ERCC5: variants seen among roughly 807,000 people sequenced by gnomAD.
ERCC5 encodes the protein DNA excision repair protein ERCC-5.
ERCC5 carries 68 observed loss-of-function variants against 105.6 expected under a neutral mutation model. The ratio of observed to expected loss-of-function variants is 0.64; its 90% CI spans 0.53 to 0.79. The LOEUF is 0.79. ERCC5 is among the 30% of genes least tolerant of loss of function. The probability of loss-of-function intolerance (pLI) is 0.00; values close to 1 mark genes in which losing one functional copy is unlikely to be tolerated. For missense variants in ERCC5, 1,373 were observed against 1,426.7 expected (o/e 0.96, Z 0.61); for synonymous variants, 546 against 526.2 (o/e 1.04, Z -0.51).
In ERCC5 at chr13:102,866,762, G is replaced by A. The variant is rs769519807; in HGVS notation, c.2450G>A (p.Gly817Glu). The A allele has an allele frequency of 3.1e-6, 5 of 1,614,266 alleles. No homozygotes were observed. In the Admixed American group the frequency reaches 6.7e-5, roughly 22 times the overall value. Residue 817 changes from glycine (G) to glutamate (E), a missense_variant, in exon 11 of 15, where the codon GGA becomes GAA. This residue lies in a region of ERCC5 where 1,004 missense variants were observed against 1,059.7 expected (regional missense o/e 0.95). Transcript: ENST00000652225. ...GATGACAGTGATATCTGGCTGTTTGGAGCGCGGCATGTCTATAGAAACTTT... is the reference window on the plus strand; with the variant it reads ...GATGACAGTGATATCTGGCTGTTTGAAGCGCGGCATGTCTATAGAAACTTT... ...ITDDSDIWLFGARHVYRNFFN... is the reference protein window; with the variant it reads ...ITDDSDIWLFEARHVYRNFFN...
At chr13:102,849,260 T>C (rs1434189988) in intron 1 of ERCC5, 5 of 518,174 alleles carry the variant, frequency 9.6e-6, no homozygotes, top group Non-Finnish European at 1.9e-5. Flanking sequence ...TGGGCTATTG[T>C]AACTCATTTT....
At chr13:102,870,800 C>G (rs1243736027) in intron 12 of ERCC5, among the ~76,000 whole-genome samples, 2 of 152,214 alleles carry the variant, frequency 1.3e-5, no homozygotes, top group East Asian at 3.8e-4. Flanking sequence ...GACAGCCGGT[C>G]TGAGTGGGTT....
At position 102,853,768 on chromosome 13, in the gene ERCC5, G is replaced by A. The variant is rs1161770211; in HGVS notation, c.276G>A (p.Arg92=). The A allele has an allele frequency of 6.2e-7, 1 of 1,614,102 alleles. No individual in the cohort carries two copies. Among genetic ancestry groups the A allele is most frequent in the Middle Eastern group, 1.6e-4 (1 of 6,062 alleles). ...LLKKQTLVKR[R]QRKDLASSDS... ...CTTTCTTCTCATAGGTGAAGAGAAG[G>A]CAGAGAAAGGACTTAGCGTCCAGTG... The change falls in exon 3 of 15, where the codon AGG becomes AGA. Residue 92 remains arginine (R), a synonymous_variant. Coordinates refer to ENST00000652225, the MANE Select transcript of ERCC5 (RefSeq NM_000123.4).
At chr13:102,861,963 A>G in intron 7 of ERCC5, 67 bp from the exon 8 acceptor site, 1 of 1,581,642 alleles carries the variant, frequency 6.3e-7, no homozygotes, top group South Asian at 1.1e-5. Context: ...TCTCTTATCC[A>G]TCTTACTAGA....
chr13:102,864,126 C>CCACACACACA (rs10647676), intron 8 of ERCC5, among the ~76,000 whole-genome samples: 16,994 of 140,758 alleles, frequency 0.12, 1,204 homozygotes, highest in Admixed American at 0.2. Context: ...AGAGAATCAA[C>CCACACACACA]CACACACACA....
intron 8 of ERCC5, 104 bp downstream of exon 8, chr13:102,863,207 G>C (rs1421307920): frequency 3.9e-6 from 5 of 1,288,094 alleles, no homozygotes; most frequent in Non-Finnish European, 5.4e-6. Flanking sequence ...TTACAGATAA[G>C]GAACGAGAGA....
intron 4 of ERCC5, 120 bp downstream of exon 4, chr13:102,854,494 G>A: frequency 1.0e-6 from 1 of 970,362 alleles, no homozygotes; most frequent in Non-Finnish European, 1.6e-6. Flanking sequence ...ATCTGAAATA[G>A]GCATGCTCTA....
chr13:102,846,481 G>C (rs560017968), intron 1 of ERCC5, 127 bp downstream of exon 1: 30 of 819,706 alleles, frequency 3.7e-5, no homozygotes, highest in Non-Finnish European at 4.8e-5. Flanking sequence ...GGTCGCTATA[G>C]AATCTCTGTC....
chr13:102,869,968 C>T (rs1012946588), intron 12 of ERCC5, among the ~76,000 whole-genome samples: 1 of 152,230 alleles, frequency 6.6e-6, no homozygotes, highest in Non-Finnish European at 1.5e-5. Flanking sequence ...GCCTTTGGTC[C>T]TCCAGCTCGT....
intron 1 of ERCC5, among the ~76,000 whole-genome samples, 185 bp downstream of exon 1, chr13:102,846,539 G>A (rs1243513273): frequency 6.6e-6 from 1 of 152,054 alleles, no homozygotes; most frequent in Non-Finnish European, 1.5e-5. Context: ...CGGGGCTTTG[G>A]TTCCAGCCCC....
chr13:102,863,624 T>A (rs949446573), intron 8 of ERCC5, among the ~76,000 whole-genome samples: 6 of 152,184 alleles, frequency 3.9e-5, no homozygotes, highest in African/African-American at 1.4e-4. Flanking sequence ...TATTTATAAC[T>A]CCAAAATCAG....
intron 14 of ERCC5, among the ~76,000 whole-genome samples, chr13:102,874,247 T>C (rs1883123664): frequency 6.6e-6 from 1 of 152,190 alleles, no homozygotes; most frequent in Non-Finnish European, 1.5e-5. Context: ...AAACTACTCA[T>C]TAGTTACCTC....
intron 6 of ERCC5, among the ~76,000 whole-genome samples, chr13:102,860,079 G>C (rs552075268): frequency 7.7e-4 from 117 of 152,212 alleles, no homozygotes; most frequent in Middle Eastern, 6.8e-3. Flanking sequence ...TAGCTGTCGC[G>C]GTGATCAGAT....
chr13:102,865,530 A>T lies in ERCC5; in HGVS notation c.1955-137A>T. 8.4e-7 allele frequency: 1 copy of T among 1,186,418 alleles called. No homozygotes were observed. Among genetic ancestry groups the T allele is most frequent in the Non-Finnish European group, 1.2e-6 (1 of 836,460 alleles). 73.5% of individuals were successfully genotyped at this position (1,186,418 alleles called of 1,614,324 possible). On this transcript the variant is annotated intron_variant, in intron 8 of 14. Coordinates refer to ENST00000652225, the MANE Select transcript of ERCC5 (RefSeq NM_000123.4). This position sits in a 1 kb window ranked among gnomAD's most constrained non-coding sequence, Gnocchi z 4.0. The stretch of plus-strand genomic sequence containing the variant: ...TTTATTTATTAATAACGCTACTATT[A>T]CATGTATTCTGTTATAGTCATATCT...
At chr13:102,858,692 T>A (rs1309264164) in intron 6 of ERCC5, among the ~76,000 whole-genome samples, 5 of 152,208 alleles carry the variant, frequency 3.3e-5, no homozygotes, top group Admixed American at 3.3e-4. Context: ...CACTTCATAG[T>A]TCTTAGTTCC....
intron 12 of ERCC5, among the ~76,000 whole-genome samples, chr13:102,870,241 A>G (rs985774317): frequency 2.6e-5 from 4 of 152,156 alleles, no homozygotes; most frequent in Non-Finnish European, 4.4e-5. Flanking sequence ...TTAATTTTCA[A>G]TTGGCTACCA....
At position 102,862,676 on chromosome 13, in the gene ERCC5, A is replaced by T; in HGVS notation, c.1527A>T (p.Arg509Ser). 6.2e-7 allele frequency: 1 copy of T among 1,614,184 alleles called. No homozygotes were observed. Reference sequence around the variant, plus strand: ...TGCCTCTGGAGAGTGCAGTGGTTAGACATAGTGACGCACCTGGGCTCCCGA... The same window carrying T: ...TGCCTCTGGAGAGTGCAGTGGTTAGTCATAGTGACGCACCTGGGCTCCCGA... ...DRLPLESAVV[R>S]HSDAPGLPNG... The change falls in exon 8 of 15, where the codon AGA becomes AGT. Residue 509 changes from arginine to serine, a missense_variant. Physicochemically the swap from Arg to Ser is moderately radical, Grantham distance 110 (BLOSUM62 -1). This residue lies in a region of ERCC5 where 1,004 missense variants were observed against 1,059.7 expected (regional missense o/e 0.95). Coordinates refer to ENST00000652225, the MANE Select transcript of ERCC5 (RefSeq NM_000123.4).
At chr13:102,846,485 C>A in intron 1 of ERCC5, 131 bp downstream of exon 1, 1 of 793,152 alleles carries the variant, frequency 1.3e-6, no homozygotes, top group Non-Finnish European at 2.2e-6. Context: ...GCTATAGAAT[C>A]TCTGTCACTA....
At chr13:102,861,969 C>CTAGAA in intron 7 of ERCC5, 61 bp from the exon 8 acceptor site, 1 of 1,589,800 alleles carries the variant, frequency 6.3e-7, no homozygotes, top group Admixed American at 1.7e-5. Flanking sequence ...ATCCATCTTA[C>CTAGAA]TAGAAGCGTA....
Sources: gnomAD v4.1 joint callset for allele counts (sites outside exome capture counted in the v4.1 genomes callset) on GRCh38, gnomAD v4.1.1 for gene constraint, gnomAD v4.1.1 regional missense constraint, Gnocchi (gnomAD v3.1) non-coding constraint, MANE v1.5 for transcripts, NCBI Gene and HGNC (gene_info 2026-07-23, HGNC 2026-07-21) for gene names.